Variants in CNTRL observed in about 807,000 individuals in gnomAD.
CNTRL encodes 110 kDa centrosomal protein.
Under a neutral mutation model 303.7 loss-of-function variants are expected in CNTRL, and 233 were observed. That is an observed-to-expected ratio of 0.77 (90% CI 0.69 to 0.86). The LOEUF is 0.86. CNTRL is among the 40% of genes least tolerant of loss of function. The pLI is 0.00. For missense variants in CNTRL, 2,524 were observed against 2,650.6 expected (o/e 0.95, Z 1.05); for synonymous variants, 900 against 922.2 (o/e 0.98, Z 0.44).
At chr9:121,170,358 A>G (rs923355205) in intron 39 of CNTRL, among the ~76,000 whole-genome samples, 15 of 152,174 alleles carry the variant, frequency 9.9e-5, no homozygotes, top group African/African-American at 3.6e-4. Context: ...TGACCAGGCT[A>G]GTCCTGAACT....
chr9:121,118,265 T>C, intron 11 of CNTRL, 81 bp from the exon 12 acceptor site: 1 of 1,126,622 alleles, frequency 8.9e-7, no homozygotes, highest in East Asian at 2.6e-5. Flanking sequence ...TATAGAATAC[T>C]TATTAAAATT....
At chr9:121,167,960 G>A (rs1171406589) in intron 37 of CNTRL, 136 bp from the exon 38 acceptor site, 7 of 788,038 alleles carry the variant, frequency 8.9e-6, no homozygotes, top group Admixed American at 2.7e-5. Flanking sequence ...AAGCCCTCTT[G>A]ATCACCTCTG....
At chr9:121,174,503 C>T (rs1272975468) in intron 42 of CNTRL, among the ~76,000 whole-genome samples, 1 of 152,172 alleles carries the variant, frequency 6.6e-6, no homozygotes, top group East Asian at 1.9e-4. Flanking sequence ...AGAACATTCC[C>T]ATCATTGCAG....
intron 12 of CNTRL, among the ~76,000 whole-genome samples, chr9:121,119,080 ATGTG>A (rs3047904): frequency 0.097 from 14,399 of 148,486 alleles, 698 homozygotes; most frequent in Non-Finnish European, 0.11. Flanking sequence ...ACATAAATAT[ATGTG>A]TGTGTGTGTG....
At chr9:121,103,590 A>T (rs971743098) in intron 7 of CNTRL, among the ~76,000 whole-genome samples, 4 of 152,242 alleles carry the variant, frequency 2.6e-5, no homozygotes, top group African/African-American at 9.6e-5. Context: ...AGCAAAAGAA[A>T]CTACCATCAG....
intron 35 of CNTRL, among the ~76,000 whole-genome samples, chr9:121,165,412 C>G (rs530594431): frequency 3.3e-5 from 5 of 152,124 alleles, no homozygotes; most frequent in African/African-American, 1.2e-4. Flanking sequence ...TCATAGATTC[C>G]TAGTAACAGT....
At chr9:121,118,828 T>A (rs2050095962) in intron 12 of CNTRL, among the ~76,000 whole-genome samples, 2 of 152,154 alleles carry the variant, frequency 1.3e-5, no homozygotes, top group South Asian at 4.1e-4. Flanking sequence ...GTATAACAAC[T>A]ATTCACATAG....
At chr9:121,159,251 A>G (rs1475329337) in intron 31 of CNTRL, among the ~76,000 whole-genome samples, 3 of 151,942 alleles carry the variant, frequency 2.0e-5, no homozygotes, top group Non-Finnish European at 4.4e-5. Flanking sequence ...CCTTTCTCAT[A>G]CCATTTCTTC....
intron 15 of CNTRL, 125 bp from the exon 16 acceptor site, chr9:121,138,420 T>G: frequency 1.0e-6 from 1 of 982,892 alleles, no homozygotes; most frequent in Non-Finnish European, 1.5e-6. Flanking sequence ...AGTACAAACA[T>G]AAAATTGAGT....
rs2051558219 is a variant in CNTRL at position 121,142,252 on chromosome 9, C to G, written c.2853C>G (p.Leu951=). 1.2e-6 allele frequency: 2 copies of G among 1,601,404 alleles called. No homozygotes were observed. The highest frequency in any genetic ancestry group is 2.3e-5 in the South Asian group (2 of 88,404). The change falls in exon 19 of 44, where the codon CTC becomes CTG. Residue 951 remains leucine (L), a synonymous_variant. Transcript: ENST00000373855. ...AGAAGGAGAGAATTCTGGCCCAACTCCGAGAGTTAGAGAAAAAGGTAGGGG... is the reference window on the plus strand; with the variant it reads ...AGAAGGAGAGAATTCTGGCCCAACTGCGAGAGTTAGAGAAAAAGGTAGGGG... The part of the protein sequence containing the change: ...DEEKERILAQ[L]RELEKKKKLE...
chr9:121,133,871 T>G (rs1463540655), intron 14 of CNTRL, among the ~76,000 whole-genome samples: 5 of 152,360 alleles, frequency 3.3e-5, no homozygotes, highest in South Asian at 4.1e-4. Context: ...GCTCCTTTGC[T>G]TCTAAATATT....
chr9:121,075,151 C>T, intron 1 of CNTRL, 84 bp downstream of exon 1: 1 of 352,510 alleles, frequency 2.8e-6, no homozygotes, highest in Non-Finnish European at 5.6e-6. Context: ...AAGGCCCGGA[C>T]CGGGCGTGGT....
rs1444521671 is a variant in CNTRL, at chr9:121,162,696, A to G, written c.5423+425A>G. Among the ~76,000 whole-genome samples, 4 of 152,204 alleles carry G rather than the reference A, an allele frequency of 2.6e-5. No homozygotes were observed. In the East Asian group the frequency reaches 7.7e-4, roughly 29 times the overall value. On this transcript the variant is annotated intron_variant, in intron 34 of 43. Coordinates refer to ENST00000373855, the MANE Select transcript of CNTRL (RefSeq NM_007018.6). ...CTAGAATCGAATTATTCTAAGACCT[A>G]GAATAGAATTTATACAATTTTTTAG...
Position 121,173,242 on chromosome 9 carries a change from G to C in CNTRL, c.6418-1G>C. 1 of 1,605,508 alleles carries C rather than the reference G, an allele frequency of 6.2e-7. No individual in the cohort carries two copies. Among genetic ancestry groups the C allele is most frequent in the Non-Finnish European group, 8.5e-7 (1 of 1,175,368 alleles). ...ATATTTGACACCAACTCACTGTTTA[G>C]ATGGCAAACCAAAAAGATTTGGAGA... is the stretch of plus-strand genomic sequence containing the variant. On this transcript the variant is annotated splice_acceptor_variant, in intron 40 of 43. Transcript: ENST00000373855. LOFTEE classifies it high-confidence loss of function.
chr9:121,134,006 C>G (rs2051032472), intron 14 of CNTRL, among the ~76,000 whole-genome samples: 1 of 152,162 alleles, frequency 6.6e-6, no homozygotes, highest in Non-Finnish European at 1.5e-5. Context: ...TAAAGGACTT[C>G]TTTCCATCTT....
intron 22 of CNTRL, 136 bp downstream of exon 22, chr9:121,145,521 GTAAAA>G (rs2051795528): frequency 1.2e-6 from 1 of 846,036 alleles, no homozygotes; most frequent in Non-Finnish European, 1.8e-6. Flanking sequence ...AGCTTAATAA[GTAAAA>G]TAAAATAAAT....
chr9:121,173,585 G>C, intron 41 of CNTRL, 76 bp downstream of exon 41: 1 of 1,610,462 alleles, frequency 6.2e-7, no homozygotes, highest in Non-Finnish European at 8.5e-7. Context: ...CACAGATGTG[G>C]GGGTGCTGGG....
chr9:121,173,546 A>G (rs752031412), intron 41 of CNTRL, 37 bp downstream of exon 41: 1 of 1,610,360 alleles, frequency 6.2e-7, no homozygotes. Flanking sequence ...GGTTCGTAGG[A>G]TTGACCACCT....
rs758904895 is a variant in CNTRL, at chr9:121,152,610, T to C, written c.4089T>C (p.Ile1363=). Residue 1363 remains isoleucine (I), a synonymous_variant, in exon 26 of 44, where the codon ATT becomes ATC. Transcript: ENST00000373855. ...EKEMEELHHN[I]DDLLQEKKSL... ...AAATGGAAGAACTGCATCATAATAT[T>C]GATGATCTTTTGCAAGAGAAGAAAA... is the stretch of plus-strand genomic sequence containing the variant. 15 of 1,614,002 alleles carry C rather than the reference T, an allele frequency of 9.3e-6. No homozygotes were observed. The highest frequency in any genetic ancestry group is 1.2e-5 in the Non-Finnish European group (14 of 1,179,906).
Sources: gnomAD v4.1 joint callset for allele counts (sites outside exome capture counted in the v4.1 genomes callset) on GRCh38, gnomAD v4.1.1 for gene constraint, MANE v1.5 for transcripts, NCBI Gene and HGNC (gene_info 2026-07-23, HGNC 2026-07-21) for gene names.